HARBI1: variants seen among roughly 807,000 people sequenced by gnomAD.
The protein encoded by HARBI1 is harbinger transposase derived 1.
In HARBI1, 15 loss-of-function variants were observed where a neutral mutation model predicts 25.3. The observed-to-expected ratio is 0.59, with a 90% CI of 0.40 to 0.91. The LOEUF (loss-of-function observed/expected upper bound fraction) is 0.91. Ranked by LOEUF, HARBI1 falls within the 40% of genes least tolerant of loss-of-function variation. HARBI1 has a pLI of 0.00. For synonymous variants in HARBI1, 168 were observed against 160.5 expected (o/e 1.05, Z -0.35); for missense variants, 396 against 445.8 (o/e 0.89, Z 1.01).
At chr11:46,610,618 C>T (rs922879144) in intron 2 of HARBI1, among the ~76,000 whole-genome samples, 4 of 152,076 alleles carry the variant, frequency 2.6e-5, no homozygotes, top group Non-Finnish European at 5.9e-5. Flanking sequence ...CGAGATCGCA[C>T]CACTGCACTC....
Position 46,616,831 on chromosome 11 carries a change from C to CAAAAAAAAA in HARBI1, c.-145+284_-145+292dup, listed in dbSNP as rs749013239. Reference sequence around the variant, plus strand: ...ACCAGTCTAACAAGAAAAGAAGGGGCAAAAAAAAAAAAAAAAAAAAAAAAA... The same window carrying CAAAAAAAAA: ...ACCAGTCTAACAAGAAAAGAAGGGGCAAAAAAAAAAAAAAAAAAAAAAAAAAAAAAAAAA... On this transcript the variant is annotated intron_variant, in intron 1 of 2. Coordinates refer to ENST00000326737, the MANE Select transcript of HARBI1 (RefSeq NM_173811.4). 4,752 of 603,550 alleles carry CAAAAAAAAA rather than the reference C, an allele frequency of 7.9e-3. 13 individuals carry two copies. The highest frequency in any genetic ancestry group is 0.019 in the African/African-American group (275 of 14,842). 37.4% of individuals were successfully genotyped at this position (603,550 alleles called of 1,614,324 possible).
chr11:46,607,044 C>A (rs890710901), intron 2 of HARBI1, among the ~76,000 whole-genome samples: 1 of 152,108 alleles, frequency 6.6e-6, no homozygotes, highest in Non-Finnish European at 1.5e-5. Flanking sequence ...GCAGGCGGAT[C>A]ACCTGAGGTC....
intron 2 of HARBI1, among the ~76,000 whole-genome samples, chr11:46,614,790 A>T (rs747893900): frequency 6.6e-6 from 1 of 152,166 alleles, no homozygotes; most frequent in Non-Finnish European, 1.5e-5. Context: ...AATGTCTATT[A>T]AATGTTGATT....
At chr11:46,615,519 A>C in intron 2 of HARBI1, 49 bp downstream of exon 2, 1 of 1,544,366 alleles carries the variant, frequency 6.5e-7, no homozygotes, top group South Asian at 1.2e-5. Context: ...AGCCTACATA[A>C]CTTTTCTATG....
intron 1 of HARBI1, 40 bp from the exon 2 acceptor site, chr11:46,616,421 A>G: frequency 7.1e-7 from 1 of 1,410,746 alleles, no homozygotes; most frequent in South Asian, 1.6e-5. Flanking sequence ...AACCTACCAA[A>G]GACTTTAAAG....
At chr11:46,611,979 T>C (rs1313900992) in intron 2 of HARBI1, among the ~76,000 whole-genome samples, 1 of 152,178 alleles carries the variant, frequency 6.6e-6, no homozygotes, top group Non-Finnish European at 1.5e-5. Context: ...AGAAACTCAG[T>C]AAGCTCCAGG....
chr11:46,609,501 C>T (rs1391304042), intron 2 of HARBI1, among the ~76,000 whole-genome samples: 2 of 146,904 alleles, frequency 1.4e-5, no homozygotes, highest in African/African-American at 5.3e-5. Context: ...CTCACGCCAC[C>T]GTGCCTGGGT....
intron 2 of HARBI1, among the ~76,000 whole-genome samples, chr11:46,613,523 C>T (rs1331717609): frequency 7.1e-6 from 1 of 140,026 alleles, no homozygotes; most frequent in South Asian, 2.2e-4. Flanking sequence ...CCCTCTGTTG[C>T]CCAGGCTGGA....
upstream of HARBI1, chr11:46,617,593 C>A: frequency 6.4e-6 from 1 of 155,624 alleles, no homozygotes; most frequent in Non-Finnish European, 1.3e-5. Flanking sequence ...CTAACGATGG[C>A]GGCGCCGGGA....
intron 2 of HARBI1, among the ~76,000 whole-genome samples, chr11:46,612,786 T>G (rs2045232878): frequency 6.6e-6 from 1 of 150,804 alleles, no homozygotes; most frequent in South Asian, 2.1e-4. Flanking sequence ...TTCGCCTGCC[T>G]CAGCCTCCCA....
intron 2 of HARBI1, among the ~76,000 whole-genome samples, chr11:46,605,587 C>CTTT (rs11333482): frequency 3.2e-4 from 29 of 90,248 alleles, no homozygotes; most frequent in African/African-American, 7.5e-4. Context: ...CAGGTATAAC[C>CTTT]TTTTTTTTTT....
At chr11:46,612,486 C>T (rs183782773) in intron 2 of HARBI1, among the ~76,000 whole-genome samples, 4 of 152,100 alleles carry the variant, frequency 2.6e-5, no homozygotes, top group Admixed American at 2.6e-4. Flanking sequence ...GCTGTACAGT[C>T]ACCTTGGTTC....
Position 46,603,534 on chromosome 11 carries a change from C to A in HARBI1, c.1046G>T (p.Ser349Ile). 6.3e-7 allele frequency: 1 copy of A among 1,582,362 alleles called. No individual in the cohort carries two copies. The highest frequency in any genetic ancestry group is 8.6e-7 in the Non-Finnish European group (1 of 1,161,676). ...CCCTCCTCTCCACCTTCTACATTAGCTAAAATGAGTGAGCATTAGCTCCTG... is the reference window on the plus strand; with the variant it reads ...CCCTCCTCTCCACCTTCTACATTAGATAAAATGAGTGAGCATTAGCTCCTG... ...IRQELMLTHF[S>I] is the part of the protein sequence containing the mutation. Residue 349 changes from serine to isoleucine, a missense_variant, in exon 3 of 3, where the codon AGC becomes ATC. Coordinates refer to ENST00000326737, the MANE Select transcript of HARBI1 (RefSeq NM_173811.4).
In HARBI1 at chr11:46,603,462, G is replaced by T; in HGVS notation, c.*68C>A. Reference sequence around the variant, plus strand: ...CAGTCATGCTAGATGATGGAACTGTGTAAAAGGTGATGAGGAGGAAAGTCT... The same window carrying T: ...CAGTCATGCTAGATGATGGAACTGTTTAAAAGGTGATGAGGAGGAAAGTCT... On this transcript the variant is annotated 3_prime_UTR_variant, in exon 3 of 3. Transcript: ENST00000326737. 7.4e-7 allele frequency: 1 copy of T among 1,357,166 alleles called. No homozygotes were observed. Among genetic ancestry groups the T allele is most frequent in the Non-Finnish European group, 1.0e-6 (1 of 984,120 alleles). 84.1% of individuals were successfully genotyped at this position (1,357,166 alleles called of 1,614,324 possible). A position where few individuals can be genotyped will look rare whatever the true frequency, so the allele number is the denominator to read the frequency against.
chr11:46,606,998 C>T (rs1454061616), intron 2 of HARBI1, among the ~76,000 whole-genome samples: 1 of 152,166 alleles, frequency 6.6e-6, no homozygotes, highest in Middle Eastern at 3.2e-3. Context: ...GGCACGGTGG[C>T]TCACACCTGT....
intron 2 of HARBI1, among the ~76,000 whole-genome samples, chr11:46,609,026 C>T (rs932315590): frequency 6.6e-6 from 1 of 151,528 alleles, no homozygotes; most frequent in Non-Finnish European, 1.5e-5. Flanking sequence ...CAGGTTCAAG[C>T]GATTCTCCTG....
intron 2 of HARBI1, among the ~76,000 whole-genome samples, chr11:46,606,207 A>C (rs2044943317): frequency 6.6e-6 from 1 of 151,738 alleles, no homozygotes; most frequent in African/African-American, 2.4e-5. Context: ...TTTTTATTGA[A>C]CATAACCCTA....
At chr11:46,608,623 A>AAT (rs1555023713) in intron 2 of HARBI1, among the ~76,000 whole-genome samples, 1 of 142,084 alleles carries the variant, frequency 7.0e-6, no homozygotes, top group African/African-American at 2.6e-5. Context: ...TAAAAAAAAA[A>AAT]TTTTTTTTTT....
intron 2 of HARBI1, chr11:46,604,594 C>T (rs1565344545): frequency 1.0e-6 from 1 of 985,156 alleles, no homozygotes; most frequent in Non-Finnish European, 1.2e-6. Context: ...TTAACTTTAC[C>T]CTCAAAATTT....
Sources: gnomAD v4.1 joint callset for allele counts (sites outside exome capture counted in the v4.1 genomes callset) on GRCh38, gnomAD v4.1.1 for gene constraint, MANE v1.5 for transcripts, NCBI Gene and HGNC (gene_info 2026-07-23, HGNC 2026-07-21) for gene names.